CDYL: variants seen among roughly 807,000 people sequenced by gnomAD.
CDYL encodes the protein chromodomain Y-like protein.
A neutral mutation model predicts 47.3 loss-of-function variants in CDYL; 8 were observed. That is an observed-to-expected ratio of 0.17 (90% CI 0.10 to 0.31). The LOEUF (loss-of-function observed/expected upper bound fraction) is 0.31, where lower values mean the gene tolerates loss of function less well. Among genes scored for constraint, CDYL ranks in the 10% least tolerant of loss-of-function variants. CDYL has a pLI of 1.00. For synonymous variants in CDYL, 266 were observed against 265.0 expected, an observed-to-expected ratio of 1.00 and a Z score of -0.04; for missense variants, 471 against 701.4, an observed-to-expected ratio of 0.67 and a Z score of 3.71.
At position 4,937,619 on chromosome 6, in the gene CDYL, C is replaced by T. The variant is rs141394848; in HGVS notation, c.1003C>T (p.Leu335=). Residue 335 remains leucine (L), a synonymous_variant, in exon 4 of 7, where the codon CTG becomes TTG. Coordinates refer to ENST00000397588, the MANE Select transcript of CDYL (RefSeq NM_004824.4). The part of the protein sequence containing the change: ...LSTAAADDSK[L]VLLSAVGSVF... Reference sequence around the variant, plus strand: ...CACGGCCGCTGCCGATGACAGCAAGCTGGTACTGCTCAGCGCCGTTGGCAG... The same window carrying T: ...CACGGCCGCTGCCGATGACAGCAAGTTGGTACTGCTCAGCGCCGTTGGCAG... 75 of 1,611,686 alleles carry T rather than the reference C, an allele frequency of 4.7e-5. No individual in the cohort carries two copies. The African/African-American group carries it at 9.1e-4, about 20-fold the overall frequency.
intron 1 of CDYL, among the ~76,000 whole-genome samples, chr6:4,865,787 A>G (rs992322693): frequency 1.9e-4 from 29 of 152,240 alleles, no homozygotes; most frequent in African/African-American, 6.5e-4. Flanking sequence ...CTTCGGTAGC[A>G]TAGTTTCAAA....
chr6:4,820,674 A>T (rs1468171416), intron 1 of CDYL, among the ~76,000 whole-genome samples: 1 of 152,202 alleles, frequency 6.6e-6, no homozygotes, highest in African/African-American at 2.4e-5. Flanking sequence ...TTGAGGAGCT[A>T]TATGAAGGAA....
intron 1 of CDYL, among the ~76,000 whole-genome samples, chr6:4,787,622 T>C (rs1028370660): frequency 1.1e-4 from 17 of 151,904 alleles, no homozygotes; most frequent in African/African-American, 4.1e-4. Context: ...CTAACGAAAG[T>C]CAACAGAAAA....
At chr6:4,742,594 G>T (rs973341261) in intron 3 of CDYL, among the ~76,000 whole-genome samples, 1 of 152,148 alleles carries the variant, frequency 6.6e-6, no homozygotes, top group Non-Finnish European at 1.5e-5. Flanking sequence ...GAAAAGAAAA[G>T]AAAAAGGAAG....
chr6:4,762,308 C>T lies in CDYL; in HGVS notation c.186+27464C>T, dbSNP rs534962258. ...AGTGTTTGAGCACTTAGGCAGCTGGCAGGAACAAACATATCCTCTCTGGAG... is the reference window on the plus strand; with the variant it reads ...AGTGTTTGAGCACTTAGGCAGCTGGTAGGAACAAACATATCCTCTCTGGAG... On this transcript the variant is annotated intron_variant, in intron 3 of 8. Coordinates refer to the CDYL transcript ENST00000328908. Among the ~76,000 whole-genome samples the T allele has an allele frequency of 2.0e-5, 3 of 152,254 alleles. No individual in the cohort carries two copies. In the South Asian group the frequency reaches 6.2e-4, roughly 32 times the overall value.
Position 4,813,521 on chromosome 6 carries a change from G to C in CDYL, c.24+36714G>C, listed in dbSNP as rs180809650. On this transcript the variant is annotated intron_variant, in intron 1 of 6. Transcript: ENST00000397588. The stretch of plus-strand genomic sequence containing the variant: ...GTTATTTCAGGGACTTACTCTACTG[G>C]GTTATCATTTATTCTTCTGCCACTG... Among the ~76,000 whole-genome samples, 3 of 152,166 alleles carry C rather than the reference G, an allele frequency of 2.0e-5. No individual in the cohort carries two copies. The South Asian group carries it at 6.2e-4, about 32-fold the overall frequency.
intron 1 of CDYL, among the ~76,000 whole-genome samples, chr6:4,814,788 G>A (rs1323802078): frequency 4.6e-5 from 7 of 152,190 alleles, no homozygotes; most frequent in African/African-American, 1.7e-4. Flanking sequence ...CTCCCAAAGT[G>A]CTGGAATTAC....
chr6:4,900,527 A>G (rs1331290961), intron 2 of CDYL, among the ~76,000 whole-genome samples: 1 of 151,898 alleles, frequency 6.6e-6, no homozygotes, highest in African/African-American at 2.4e-5. Flanking sequence ...GCAACTTGCT[A>G]TTGTAAACGA....
intron 2 of CDYL, among the ~76,000 whole-genome samples, chr6:4,934,735 G>A (rs1758135890): frequency 6.6e-6 from 1 of 152,192 alleles, no homozygotes; most frequent in East Asian, 1.9e-4. Context: ...GCCAAGGTAG[G>A]AGGATCACTT....
Position 4,828,529 on chromosome 6 carries a change from CCTGCTG to C in CDYL, c.24+51725_24+51730del, listed in dbSNP as rs556628768. Reference sequence around the variant, plus strand: ...ATACCTTGTGCTTGTCAAGTCACCTCCTGCTGCTTTTAGGATTTTCTTTTTGTCTTT... The same window carrying C: ...ATACCTTGTGCTTGTCAAGTCACCTCCTTTTAGGATTTTCTTTTTGTCTTT... On this transcript the variant is annotated intron_variant, in intron 1 of 6. Coordinates refer to ENST00000397588, the MANE Select transcript of CDYL (RefSeq NM_004824.4). Among the ~76,000 whole-genome samples, 6 of 152,204 alleles carry C rather than the reference CCTGCTG, an allele frequency of 3.9e-5. No homozygotes were observed. In the East Asian group the frequency reaches 1.2e-3, roughly 29 times the overall value.
intron 1 of CDYL, among the ~76,000 whole-genome samples, chr6:4,843,667 A>G (rs9504268): frequency 0.13 from 19,372 of 151,882 alleles, 1,372 homozygotes; most frequent in Non-Finnish European, 0.16. Context: ...TTTCATTTCC[A>G]TAAGTCGTGA....
intron 1 of CDYL, among the ~76,000 whole-genome samples, chr6:4,886,516 G>A (rs147951330): frequency 1.3e-5 from 2 of 152,288 alleles, no homozygotes; most frequent in East Asian, 1.9e-4. Context: ...GGTCATTTGT[G>A]TATCTTCTTC....
At chr6:4,758,929 T>C (rs968426919) in intron 3 of CDYL, among the ~76,000 whole-genome samples, 1 of 128,860 alleles carries the variant, frequency 7.8e-6, no homozygotes, top group Non-Finnish European at 1.7e-5. Flanking sequence ...GAAGAGGCTC[T>C]TTCTGATCTT....
intron 3 of CDYL, among the ~76,000 whole-genome samples, chr6:4,735,116 G>A (rs185337071): frequency 1.1e-4 from 17 of 151,870 alleles, no homozygotes; most frequent in Middle Eastern, 3.4e-3. Context: ...GAGAAACCCC[G>A]TCTCTACTAA....
At chr6:4,801,267 A>G (rs1209524410) in intron 1 of CDYL, among the ~76,000 whole-genome samples, 2 of 152,222 alleles carry the variant, frequency 1.3e-5, no homozygotes, top group South Asian at 2.1e-4. Flanking sequence ...TATTGATACC[A>G]TATTTTCCTT....
At chr6:4,712,891 G>A (rs547603616) in intron 1 of CDYL, among the ~76,000 whole-genome samples, 2 of 152,198 alleles carry the variant, frequency 1.3e-5, no homozygotes, top group African/African-American at 2.4e-5. Context: ...CTGTGGATGT[G>A]GCTCACCATT....
intron 1 of CDYL, among the ~76,000 whole-genome samples, chr6:4,810,397 T>G (rs1759495458): frequency 6.6e-6 from 1 of 152,194 alleles, no homozygotes; most frequent in African/African-American, 2.4e-5. Context: ...CTCCCTGTGA[T>G]TATATGTCTA....
At chr6:4,908,985 T>G (rs1466615584) in intron 2 of CDYL, among the ~76,000 whole-genome samples, 1 of 152,212 alleles carries the variant, frequency 6.6e-6, no homozygotes, top group African/African-American at 2.4e-5. Context: ...GATTTAAAAG[T>G]TTCCATGTTC....
intron 1 of CDYL, among the ~76,000 whole-genome samples, chr6:4,811,528 A>T (rs1759528252): frequency 6.6e-6 from 1 of 152,016 alleles, no homozygotes; most frequent in Non-Finnish European, 1.5e-5. Flanking sequence ...CCTAGAATTT[A>T]GTAAGGAGAT....
Sources: allele counts gnomAD v4.1 joint callset (sites outside exome capture counted in the v4.1 genomes callset), GRCh38; gene constraint gnomAD v4.1.1; transcripts MANE v1.5; gene names NCBI Gene and HGNC (gene_info 2026-07-23, HGNC 2026-07-21).